ERC2: variants seen among roughly 807,000 people sequenced by gnomAD.
ERC2 encodes the protein ELKS/RAB6-interacting/CAST family member 2.
Under a neutral mutation model 114.8 loss-of-function variants are expected in ERC2, and 42 were observed. The observed-to-expected ratio is 0.37, with a 90% CI of 0.29 to 0.47. The LOEUF (loss-of-function observed/expected upper bound fraction) is 0.47. Among genes scored for constraint, ERC2 ranks in the 20% least tolerant of loss-of-function variants. ERC2 has a pLI of 0.99. For missense variants in ERC2, 939 were observed against 1,150.7 expected, an observed-to-expected ratio of 0.82 and a Z score of 2.66; for synonymous variants, 454 against 425.5, an observed-to-expected ratio of 1.07 and a Z score of -0.82.
At chr3:56,195,657 T>C (rs886567035) in intron 3 of ERC2, among the ~76,000 whole-genome samples, 13 of 151,814 alleles carry the variant, frequency 8.6e-5, no homozygotes, top group African/African-American at 3.1e-4. Flanking sequence ...TAGGAAACCT[T>C]GTCTCTACAA....
At chr3:56,267,007 C>T (rs1307761273) in intron 3 of ERC2, among the ~76,000 whole-genome samples, 1 of 152,170 alleles carries the variant, frequency 6.6e-6, no homozygotes, top group Non-Finnish European at 1.5e-5. Flanking sequence ...TAAAGGAACA[C>T]ATACAGGTTG....
chr3:56,149,773 T>C (rs940383842), intron 4 of ERC2, among the ~76,000 whole-genome samples: 1 of 152,138 alleles, frequency 6.6e-6, no homozygotes, highest in Admixed American at 6.6e-5. Context: ...GGTCCCTACG[T>C]AACAAAAAAC....
intron 7 of ERC2, among the ~76,000 whole-genome samples, chr3:56,071,016 G>A (rs974261712): frequency 7.2e-5 from 11 of 152,268 alleles, no homozygotes; most frequent in Admixed American, 3.3e-4. Flanking sequence ...CCTATGTGTA[G>A]TATACCTGGC....
At chr3:56,086,240 A>T (rs1429252219) in intron 6 of ERC2, among the ~76,000 whole-genome samples, 1 of 152,192 alleles carries the variant, frequency 6.6e-6, no homozygotes, top group Non-Finnish European at 1.5e-5. Flanking sequence ...GATAAAAAAC[A>T]ACCCTAGCCA....
intron 14 of ERC2, among the ~76,000 whole-genome samples, chr3:55,841,274 T>C (rs990941717): frequency 2.0e-5 from 3 of 152,154 alleles, no homozygotes; most frequent in African/African-American, 4.8e-5. Context: ...TGGGAGGTAA[T>C]TGAATCATGG....
chr3:55,523,886 T>A (rs947415203), intron 17 of ERC2, among the ~76,000 whole-genome samples: 9 of 152,216 alleles, frequency 5.9e-5, no homozygotes, highest in African/African-American at 1.9e-4. Context: ...TTGGACTAGA[T>A]AATTTGTTGC....
intron 2 of ERC2, among the ~76,000 whole-genome samples, chr3:56,311,266 TATATATATATATATATATATATATAC>T (rs2056553500): frequency 1.4e-5 from 1 of 70,954 alleles, no homozygotes; most frequent in South Asian, 4.3e-4. Flanking sequence ...TATATATATA[TATATATATATATATATATATATATAC>T]ACACATATAT....
At chr3:55,556,615 G>C (rs1396174154) in intron 17 of ERC2, among the ~76,000 whole-genome samples, 1 of 152,166 alleles carries the variant, frequency 6.6e-6, no homozygotes, top group African/African-American at 2.4e-5. Flanking sequence ...CTTTGCTTGT[G>C]GATCTGAATC....
At chr3:55,577,276 A>G (rs1367981880) in intron 17 of ERC2, among the ~76,000 whole-genome samples, 2 of 151,296 alleles carry the variant, frequency 1.3e-5, no homozygotes, top group Non-Finnish European at 3.0e-5. Flanking sequence ...AAAAAAAAAG[A>G]GAAAAAAAAA....
intron 2 of ERC2, among the ~76,000 whole-genome samples, chr3:56,320,108 C>T (rs576775904): frequency 7.2e-5 from 11 of 152,202 alleles, no homozygotes; most frequent in South Asian, 6.2e-4. Context: ...GGGAATACAA[C>T]GGGGAGGCTT....
At chr3:56,231,837 C>T (rs1377973773) in intron 3 of ERC2, among the ~76,000 whole-genome samples, 1 of 151,838 alleles carries the variant, frequency 6.6e-6, no homozygotes, top group East Asian at 1.9e-4. Flanking sequence ...GACCATTTCT[C>T]TCATAGATCC....
intron 17 of ERC2, among the ~76,000 whole-genome samples, chr3:55,653,564 AGTGTGTGTGTGTGTGTGTGTGTGTGT>A (rs36231107): frequency 7.1e-5 from 10 of 141,206 alleles, no homozygotes; most frequent in African/African-American, 7.9e-5. Context: ...ACCTGGTAAA[AGTGTGTGTGTGTGTGTGTGTGTGTGT>A]GTGTGTGTGT....
intron 2 of ERC2, among the ~76,000 whole-genome samples, chr3:56,338,859 A>G (rs985609460): frequency 2.0e-5 from 3 of 152,184 alleles, no homozygotes; most frequent in African/African-American, 7.2e-5. Flanking sequence ...GGCCACTTTT[A>G]CCAGCCATGT....
chr3:56,018,322 TC>T (rs1224679083), intron 8 of ERC2, among the ~76,000 whole-genome samples: 1 of 152,164 alleles, frequency 6.6e-6, no homozygotes, highest in Non-Finnish European at 1.5e-5. Flanking sequence ...AAGTCCACAT[TC>T]TTGACTACTG....
chr3:56,462,946 G>T (rs1227697331), intron 1 of ERC2, among the ~76,000 whole-genome samples: 4 of 152,144 alleles, frequency 2.6e-5, no homozygotes, highest in Admixed American at 6.5e-5. Context: ...CACGATTTTG[G>T]CTGGGCATGG....
rs553557410 is a variant in ERC2, at chr3:55,919,946, A to G, written c.2403+30479T>C. ...AAGTGAAGTTAATGAATAAAGAAGAAAGTATGAAGCCATTTATGTTGCACT... is the reference window on the plus strand; with the variant it reads ...AAGTGAAGTTAATGAATAAAGAAGAGAGTATGAAGCCATTTATGTTGCACT... On this transcript the variant is annotated intron_variant, in intron 13 of 17. Coordinates refer to ENST00000288221, the MANE Select transcript of ERC2 (RefSeq NM_015576.3). 2.6e-5 allele frequency among the ~76,000 whole-genome samples: 4 copies of G among 152,272 alleles called. No homozygotes were observed. The East Asian group carries it at 5.8e-4, about 22-fold the overall frequency.
At chr3:55,640,154 T>C (rs1230771207) in intron 17 of ERC2, among the ~76,000 whole-genome samples, 1 of 152,170 alleles carries the variant, frequency 6.6e-6, no homozygotes, top group Non-Finnish European at 1.5e-5. Context: ...GCCACACCCT[T>C]GCCTTGATTT....
intron 3 of ERC2, among the ~76,000 whole-genome samples, chr3:56,198,407 G>C (rs1269420343): frequency 1.8e-4 from 27 of 152,192 alleles, no homozygotes; most frequent in Admixed American, 1.8e-3. Flanking sequence ...TGGATACCTA[G>C]GGTTGTACTG....
chr3:56,043,406 G>T (rs1042523645), intron 7 of ERC2, among the ~76,000 whole-genome samples: 2 of 151,982 alleles, frequency 1.3e-5, no homozygotes, highest in Admixed American at 6.6e-5. Flanking sequence ...GTTATATAGC[G>T]TTGGGATCAA....
Sources: allele counts gnomAD v4.1 joint callset (sites outside exome capture counted in the v4.1 genomes callset), GRCh38; gene constraint gnomAD v4.1.1; transcripts MANE v1.5; gene names NCBI Gene and HGNC (gene_info 2026-07-23, HGNC 2026-07-21).